The following LRRTM4 variants were observed in gnomAD, a reference collection of about 807,000 sequenced individuals.
LRRTM4 encodes the protein leucine-rich repeat transmembrane neuronal protein 4.
Under a neutral mutation model 47.6 loss-of-function variants are expected in LRRTM4, and 25 were observed. The ratio of observed to expected loss-of-function variants is 0.53; its 90% confidence interval spans 0.38 to 0.73. The LOEUF (loss-of-function observed/expected upper bound fraction) is 0.73, where lower values mean the gene tolerates loss of function less well. Ranked by LOEUF, LRRTM4 falls within the 30% of genes least tolerant of loss-of-function variation. The probability of loss-of-function intolerance (pLI) is 0.00; values close to 1 mark genes in which losing one functional copy is unlikely to be tolerated. For missense variants in LRRTM4, 638 were observed against 713.4 expected (o/e 0.89, Z 1.20); for synonymous variants, 311 against 269.5 (o/e 1.15, Z -1.51).
intron 3 of LRRTM4, among the ~76,000 whole-genome samples, chr2:76,855,166 G>A (rs1672111513): frequency 6.6e-6 from 1 of 152,162 alleles, no homozygotes; most frequent in African/African-American, 2.4e-5. Flanking sequence ...GGAGACATCA[G>A]GAGCAACGTT....
chr2:77,074,545 T>A (rs1383532921), intron 3 of LRRTM4, among the ~76,000 whole-genome samples: 2 of 152,080 alleles, frequency 1.3e-5, no homozygotes, highest in African/African-American at 4.8e-5. Flanking sequence ...GTGATGGAAT[T>A]TCCAAGTTTT....
At chr2:76,873,520 A>ATATATATATATATG (rs1672696190) in intron 3 of LRRTM4, among the ~76,000 whole-genome samples, 8 of 143,560 alleles carry the variant, frequency 5.6e-5, no homozygotes, top group African/African-American at 1.0e-4. Flanking sequence ...ATATATATAT[A>ATATATATATATATG]TATATATATA....
chr2:77,169,872 T>A (rs1672996985), intron 3 of LRRTM4, among the ~76,000 whole-genome samples: 1 of 152,202 alleles, frequency 6.6e-6, no homozygotes, highest in Non-Finnish European at 1.5e-5. Flanking sequence ...TTAATCCTCT[T>A]CTTCAATTTG....
At chr2:77,203,794 T>G (rs1674046641) in intron 3 of LRRTM4, among the ~76,000 whole-genome samples, 1 of 152,100 alleles carries the variant, frequency 6.6e-6, no homozygotes, top group Admixed American at 6.6e-5. Context: ...TCAAGAAACT[T>G]TTTGTTCAAA....
At chr2:77,083,794 T>TGG (rs538107221) in intron 3 of LRRTM4, among the ~76,000 whole-genome samples, 1 of 87,122 alleles carries the variant, frequency 1.1e-5, no homozygotes, top group African/African-American at 4.7e-5. Flanking sequence ...TTTTTTTTTT[T>TGG]TTTTTTTTTT....
At chr2:76,783,105 A>G (rs995119201) in intron 3 of LRRTM4, among the ~76,000 whole-genome samples, 1 of 152,300 alleles carries the variant, frequency 6.6e-6, no homozygotes, top group Non-Finnish European at 1.5e-5. Flanking sequence ...AGCATTAGTT[A>G]CAAAATTATC....
intron 3 of LRRTM4, among the ~76,000 whole-genome samples, chr2:76,831,206 T>C (rs541574762): frequency 2.0e-5 from 3 of 152,128 alleles, no homozygotes; most frequent in Non-Finnish European, 4.4e-5. Flanking sequence ...TGTGTGCATA[T>C]GTGTGTGTGT....
intron 3 of LRRTM4, among the ~76,000 whole-genome samples, chr2:76,843,019 G>C (rs1009051609): frequency 6.6e-6 from 1 of 152,170 alleles, no homozygotes; most frequent in African/African-American, 2.4e-5. Flanking sequence ...GTTATGCTTT[G>C]AAATAAATGG....
intron 3 of LRRTM4, among the ~76,000 whole-genome samples, chr2:77,321,592 G>GAAAA (rs1397063878): frequency 7.2e-6 from 1 of 138,488 alleles, no homozygotes; most frequent in African/African-American, 3.0e-5. Flanking sequence ...GAAAAGAAAA[G>GAAAA]AAAAAAGAAA....
At chr2:76,775,218 G>A (rs1672093435) in intron 3 of LRRTM4, among the ~76,000 whole-genome samples, 1 of 152,122 alleles carries the variant, frequency 6.6e-6, no homozygotes. Context: ...AATTTTTTCT[G>A]TAAGTAGCAT....
intron 3 of LRRTM4, among the ~76,000 whole-genome samples, chr2:77,085,288 T>C (rs1159650003): frequency 6.6e-6 from 1 of 151,930 alleles, no homozygotes; most frequent in Non-Finnish European, 1.5e-5. Context: ...TTTTGGACAT[T>C]TCTTACCTAC....
intron 3 of LRRTM4, among the ~76,000 whole-genome samples, chr2:77,128,718 C>G (rs1282729040): frequency 2.6e-5 from 4 of 152,182 alleles, no homozygotes; most frequent in South Asian, 4.1e-4. Flanking sequence ...CAGCTTGCTG[C>G]TACCTCCGCC....
chr2:76,857,229 A>G (rs1307134625), intron 3 of LRRTM4, among the ~76,000 whole-genome samples: 1 of 150,738 alleles, frequency 6.6e-6, no homozygotes, highest in Non-Finnish European at 1.5e-5. Context: ...TGGATAATAA[A>G]GATATTTTCT....
intron 3 of LRRTM4, among the ~76,000 whole-genome samples, chr2:77,371,077 A>G (rs534559195): frequency 2.0e-5 from 3 of 151,882 alleles, no homozygotes; most frequent in African/African-American, 7.2e-5. Context: ...GAGTCCCTCT[A>G]TAAGGGAATG....
At chr2:77,263,198 A>G (rs1386102703) in intron 3 of LRRTM4, among the ~76,000 whole-genome samples, 1 of 152,100 alleles carries the variant, frequency 6.6e-6, no homozygotes, top group Non-Finnish European at 1.5e-5. Context: ...GTTCCTTGAG[A>G]GTGATGCACC....
chr2:77,012,149 T>C (rs1316722298), intron 3 of LRRTM4, among the ~76,000 whole-genome samples: 3 of 152,120 alleles, frequency 2.0e-5, no homozygotes, highest in Admixed American at 1.3e-4. Flanking sequence ...AAATGTAGTT[T>C]AATTTTAATT....
chr2:76,790,190 A>T (rs925254952), intron 3 of LRRTM4, among the ~76,000 whole-genome samples: 1 of 152,216 alleles, frequency 6.6e-6, no homozygotes, highest in African/African-American at 2.4e-5. Flanking sequence ...CTAGTCCACT[A>T]CACTTCTGTT....
chr2:77,036,617 A>G (rs114953227), intron 3 of LRRTM4, among the ~76,000 whole-genome samples: 173 of 151,822 alleles, frequency 1.1e-3, no homozygotes, highest in African/African-American at 3.4e-3. Flanking sequence ...CTCTTAAAAT[A>G]TTACGTATTC....
At chr2:77,068,289 GT>G (rs917782032) in intron 3 of LRRTM4, among the ~76,000 whole-genome samples, 1 of 151,248 alleles carries the variant, frequency 6.6e-6, no homozygotes, top group Non-Finnish European at 1.5e-5. Flanking sequence ...AATGCTTCCT[GT>G]TTTTTTTTAA....
Sources: gnomAD v4.1 joint callset for allele counts (sites outside exome capture counted in the v4.1 genomes callset) on GRCh38, gnomAD v4.1.1 for gene constraint, MANE v1.5 for transcripts, NCBI Gene and HGNC (gene_info 2026-07-23, HGNC 2026-07-21) for gene names.